Variants in LGSN observed in about 807,000 individuals in gnomAD.
LGSN encodes the protein lengsin.
LGSN carries 21 observed loss-of-function variants against 19.5 expected under a neutral mutation model. The ratio of observed to expected loss-of-function variants is 1.07; its 90% confidence interval spans 0.76 to 1.55. LGSN has a LOEUF of 1.55. LGSN is among the 40% of genes most tolerant of loss of function. The pLI is 0.00. For synonymous variants in LGSN, 257 were observed against 215.6 expected (o/e 1.19, Z -1.68); for missense variants, 673 against 608.5 (o/e 1.11, Z -1.12).
chr6:63,359,498 C>T, the LGSN span, among the ~76,000 whole-genome samples: 2 of 152,130 alleles, frequency 1.3e-5, no homozygotes, highest in Non-Finnish European at 2.9e-5. Flanking sequence ...TTAATTATTG[C>T]CTCAATTTCA....
At chr6:63,354,510 G>T in the LGSN span, among the ~76,000 whole-genome samples, 1 of 152,112 alleles carries the variant, frequency 6.6e-6, no homozygotes, top group African/African-American at 2.4e-5. Context: ...TGGTGAGGAT[G>T]CAAAGAAAAG....
intron 1 of LGSN, among the ~76,000 whole-genome samples, chr6:63,315,003 A>G (rs1169522213): frequency 6.6e-6 from 1 of 152,162 alleles, no homozygotes; most frequent in Non-Finnish European, 1.5e-5. Context: ...GGCAAGGAAG[A>G]TGCTAAAATA....
At chr6:63,483,775 T>C in the LGSN span, among the ~76,000 whole-genome samples, 3 of 152,046 alleles carry the variant, frequency 2.0e-5, no homozygotes, top group African/African-American at 7.2e-5. Flanking sequence ...CTTCTGTATC[T>C]CTCTCCAAAT....
the LGSN span, among the ~76,000 whole-genome samples, chr6:63,453,376 A>G: frequency 6.6e-6 from 1 of 152,172 alleles, no homozygotes; most frequent in South Asian, 2.1e-4. Flanking sequence ...AAGAGTTGAT[A>G]TATACAACTA....
At chr6:63,521,453 C>T in the LGSN span, among the ~76,000 whole-genome samples, 1 of 152,130 alleles carries the variant, frequency 6.6e-6, no homozygotes, top group Non-Finnish European at 1.5e-5. Flanking sequence ...CATGTAGGAA[C>T]ACACCAAAGG....
the LGSN span, among the ~76,000 whole-genome samples, chr6:63,559,661 C>T: frequency 6.6e-6 from 1 of 152,070 alleles, no homozygotes; most frequent in African/African-American, 2.4e-5. Flanking sequence ...AGGAGAATCA[C>T]TGGAACCCAG....
chr6:63,473,511 T>C, the LGSN span, among the ~76,000 whole-genome samples: 2 of 149,290 alleles, frequency 1.3e-5, no homozygotes, highest in African/African-American at 2.5e-5. Context: ...ATCTAGCTCA[T>C]GTTTAAATTC....
At chr6:63,492,581 T>C in the LGSN span, among the ~76,000 whole-genome samples, 1 of 152,162 alleles carries the variant, frequency 6.6e-6, no homozygotes, top group Non-Finnish European at 1.5e-5. Flanking sequence ...TCCTAAGACC[T>C]TACATCTTTA....
chr6:63,561,838 C>T, the LGSN span, among the ~76,000 whole-genome samples: 2 of 152,188 alleles, frequency 1.3e-5, no homozygotes, highest in South Asian at 4.1e-4. Context: ...GGAATCAGAA[C>T]GAAAGTGATT....
the LGSN span, among the ~76,000 whole-genome samples, chr6:63,394,769 A>C: frequency 6.6e-6 from 1 of 152,182 alleles, no homozygotes; most frequent in Admixed American, 6.5e-5. Context: ...CTGGGGCCCA[A>C]TGCAGCCACT....
At chr6:63,337,929 A>G in the LGSN span, among the ~76,000 whole-genome samples, 1 of 152,130 alleles carries the variant, frequency 6.6e-6, no homozygotes, top group Non-Finnish European at 1.5e-5. Context: ...TCTGTTGCCC[A>G]GGCTGGAGTG....
the LGSN span, among the ~76,000 whole-genome samples, chr6:63,457,842 G>T: frequency 6.6e-6 from 1 of 152,102 alleles, no homozygotes; most frequent in East Asian, 1.9e-4. Flanking sequence ...TTGCACCACT[G>T]CACTCGAGCC....
chr6:63,388,604 A>T, the LGSN span, among the ~76,000 whole-genome samples: 1 of 152,138 alleles, frequency 6.6e-6, no homozygotes, highest in East Asian at 1.9e-4. Context: ...CTCAGAAGAA[A>T]CCAACCCTGC....
intron 1 of LGSN, among the ~76,000 whole-genome samples, chr6:63,317,333 C>T (rs920343880): frequency 6.6e-6 from 1 of 152,160 alleles, no homozygotes; most frequent in Admixed American, 6.6e-5. Flanking sequence ...ACAGAGAAGT[C>T]CAATACTTTG....
At chr6:63,430,779 G>GA in the LGSN span, among the ~76,000 whole-genome samples, 1 of 152,178 alleles carries the variant, frequency 6.6e-6, no homozygotes, top group African/African-American at 2.4e-5. Flanking sequence ...AAAGGAGTTA[G>GA]AAAATCAGAC....
chr6:63,400,987 T>C, the LGSN span, among the ~76,000 whole-genome samples: 5 of 152,074 alleles, frequency 3.3e-5, no homozygotes, highest in East Asian at 9.6e-4. Flanking sequence ...AGAGCAAGAC[T>C]CTGTGTTTAA....
At chr6:63,413,931 A>C in the LGSN span, among the ~76,000 whole-genome samples, 1 of 152,176 alleles carries the variant, frequency 6.6e-6, no homozygotes, top group African/African-American at 2.4e-5. Flanking sequence ...CACCATGGCT[A>C]TCTTGAATAT....
chr6:63,412,502 G>GAAAGAAAC, the LGSN span, among the ~76,000 whole-genome samples: 14 of 91,590 alleles, frequency 1.5e-4, no homozygotes, highest in African/African-American at 7.6e-4. Context: ...AAGAAAGAAA[G>GAAAGAAAC]AAAGAAAGAA....
At chr6:63,515,444 T>A in the LGSN span, among the ~76,000 whole-genome samples, 483 of 152,098 alleles carry the variant, frequency 3.2e-3, no homozygotes, top group Non-Finnish European at 5.0e-3. Context: ...TTGGCCAGAT[T>A]GGTCTCAAAC....
Sources: allele counts gnomAD v4.1 joint callset (sites outside exome capture counted in the v4.1 genomes callset), GRCh38; gene constraint gnomAD v4.1.1; transcripts MANE v1.5; gene names NCBI Gene and HGNC (gene_info 2026-07-23, HGNC 2026-07-21).